OPHN1: variants seen among roughly 807,000 people sequenced by gnomAD.
The protein encoded by OPHN1 is oligophrenin-1.
OPHN1 carries 11 observed loss-of-function variants against 60.7 expected under a neutral mutation model. The ratio of observed to expected loss-of-function variants is 0.18; its 90% CI spans 0.11 to 0.30. The LOEUF is 0.30. OPHN1 is among the 10% of genes least tolerant of loss of function. The pLI is 1.00. For missense variants in OPHN1, 449 were observed against 611.0 expected, an observed-to-expected ratio of 0.73 and a Z score of 2.80; for synonymous variants, 226 against 222.6, an observed-to-expected ratio of 1.02 and a Z score of -0.14.
At chrX:68,065,707 G>C (rs947875473) in intron 20 of OPHN1, among the ~76,000 whole-genome samples, 3 of 111,710 alleles carry the variant, frequency 2.7e-5, no homozygotes, top group African/African-American at 9.8e-5. Context: ...GGTCTCATGA[G>C]GTTATGGTGA....
chrX:68,330,759 C>T (rs1760295816), intron 2 of OPHN1, among the ~76,000 whole-genome samples: 2 of 108,276 alleles, frequency 1.8e-5, no homozygotes, highest in Non-Finnish European at 3.8e-5. Flanking sequence ...AGTATGATTC[C>T]ACTTGTAAAA....
intron 12 of OPHN1, among the ~76,000 whole-genome samples, chrX:68,196,614 C>T (rs1361920245): frequency 9.0e-6 from 1 of 111,521 alleles, no homozygotes; most frequent in African/African-American, 3.3e-5. Flanking sequence ...AATCAGTAAC[C>T]CTTTCAAGGG....
At position 68,064,009 on chromosome X, in the gene OPHN1, A is replaced by G. The variant is rs754104441; in HGVS notation, c.2003T>C (p.Val668Ala). The stretch of plus-strand genomic sequence containing the variant: ...CCTAGACACCAACTTCCCCACGTCC[A>G]CCTCTGGGCAGGGCTCCAACTTGCC... ...LDGKLEPCPE[V>A]DVGKLVSRLQ... The change falls in exon 21 of 25, where the codon GTG becomes GCG. Residue 668 changes from valine to alanine, a missense_variant. Around this residue, in one of 4 missense-constraint regions of OPHN1, gnomAD observed 184 missense variants for 160.5 expected, o/e 1.15. Transcript: ENST00000355520. The G allele has an allele frequency of 2.5e-6, 3 of 1,208,834 alleles. No homozygotes were observed. The highest frequency in any genetic ancestry group is 4.4e-5 in the Admixed American group (2 of 45,765).
intron 15 of OPHN1, among the ~76,000 whole-genome samples, chrX:68,140,397 C>T (rs1327679834): frequency 8.9e-6 from 1 of 112,141 alleles, no homozygotes; most frequent in East Asian, 2.8e-4. Context: ...CGATTTTGCT[C>T]ATCTTTCTCT....
rs11796846 is a variant in OPHN1, at chrX:68,143,569, G to A, written c.1277-24237C>T. ...ATGACTCACTATGCCTAGAATGCCT[G>A]TACAATGTGGTTTATGCTGAATACC... On this transcript the variant is annotated intron_variant, in intron 15 of 24. Transcript: ENST00000355520. Among the ~76,000 whole-genome samples, 2,099 of 111,562 alleles carry A rather than the reference G, an allele frequency of 0.019. 100 individuals are homozygous for A. The East Asian group carries it at 0.29, about 15-fold the overall frequency.
At chrX:68,137,175 G>A (rs1158968331) in intron 15 of OPHN1, among the ~76,000 whole-genome samples, 1 of 111,568 alleles carries the variant, frequency 9.0e-6, no homozygotes, top group African/African-American at 3.3e-5. Flanking sequence ...TTATATGTCT[G>A]CTTTGGAAAC....
At chrX:68,378,501 C>T (rs1464347935) in intron 2 of OPHN1, among the ~76,000 whole-genome samples, 1 of 111,740 alleles carries the variant, frequency 8.9e-6, no homozygotes, top group African/African-American at 3.2e-5. Context: ...ACATGAAGTC[C>T]TTGCCCATGC....
chrX:68,366,392 A>C (rs1410145747), intron 2 of OPHN1, among the ~76,000 whole-genome samples: 1 of 111,052 alleles, frequency 9.0e-6, no homozygotes, highest in Non-Finnish European at 1.9e-5. Context: ...GCAGTGGCAT[A>C]ATCATGGCTC....
intron 19 of OPHN1, among the ~76,000 whole-genome samples, chrX:68,091,426 G>C (rs1264842655): frequency 9.0e-6 from 1 of 110,999 alleles, no homozygotes; most frequent in Non-Finnish European, 1.9e-5. Context: ...AAAGTTTGTG[G>C]CTGGTATCCG....
intron 2 of OPHN1, among the ~76,000 whole-genome samples, chrX:68,354,615 C>T (rs1292165665): frequency 3.7e-5 from 4 of 107,568 alleles, no homozygotes; most frequent in Non-Finnish European, 5.8e-5. Flanking sequence ...AATAGCTGGG[C>T]GTGGTGGCAC....
intron 23 of OPHN1, among the ~76,000 whole-genome samples, chrX:68,050,685 GC>G (rs2076848285): frequency 9.0e-6 from 1 of 111,679 alleles, no homozygotes; most frequent in African/African-American, 3.3e-5. Flanking sequence ...CTTTTTTCAA[GC>G]CCCAACTCAT....
chrX:68,389,970 C>T (rs900148113), intron 2 of OPHN1, among the ~76,000 whole-genome samples: 4 of 111,445 alleles, frequency 3.6e-5, no homozygotes, highest in South Asian at 7.5e-4. Context: ...GTTGGGAAGG[C>T]CTCAGGAAAC....
At chrX:68,089,281 C>T (rs1479049645) in intron 19 of OPHN1, among the ~76,000 whole-genome samples, 1 of 111,486 alleles carries the variant, frequency 9.0e-6, no homozygotes, top group African/African-American at 3.3e-5. Flanking sequence ...ATATATGATA[C>T]AAGAAAATCG....
At chrX:68,131,521 G>T (rs961694327) in intron 15 of OPHN1, among the ~76,000 whole-genome samples, 13 of 111,760 alleles carry the variant, frequency 1.2e-4, no homozygotes, top group African/African-American at 4.2e-4. Flanking sequence ...CAGCCACAAA[G>T]AACACTTTAA....
At chrX:68,140,088 G>A (rs374545924) in intron 15 of OPHN1, among the ~76,000 whole-genome samples, 1 of 111,871 alleles carries the variant, frequency 8.9e-6, no homozygotes, top group Non-Finnish European at 1.9e-5. Flanking sequence ...CAGATGCAAC[G>A]TATTGGATAC....
At chrX:68,243,248 G>A (rs2077790046) in intron 5 of OPHN1, among the ~76,000 whole-genome samples, 1 of 111,001 alleles carries the variant, frequency 9.0e-6, no homozygotes, top group South Asian at 3.8e-4. Flanking sequence ...TCCTTACCGG[G>A]TACAGAGTTT....
chrX:68,073,019 G>A (rs768512841), intron 20 of OPHN1, 133 bp downstream of exon 20: 2 of 717,307 alleles, frequency 2.8e-6, no homozygotes, highest in South Asian at 2.4e-5. Context: ...AACCCTGGCT[G>A]CTTTTAAGCT....
intron 2 of OPHN1, among the ~76,000 whole-genome samples, chrX:68,407,664 C>A (rs2078750274): frequency 8.9e-6 from 1 of 111,869 alleles, no homozygotes; most frequent in Non-Finnish European, 1.9e-5. Context: ...ACCATGTATT[C>A]CTCTCCAAAT....
intron 5 of OPHN1, among the ~76,000 whole-genome samples, chrX:68,273,602 T>TGCTC (rs1371114094): frequency 8.9e-6 from 1 of 112,248 alleles, no homozygotes; most frequent in Non-Finnish European, 1.9e-5. Context: ...AAGTGACTGC[T>TGCTC]GAGCACTTGA....
Sources: allele counts gnomAD v4.1 joint callset (sites outside exome capture counted in the v4.1 genomes callset), GRCh38; gene constraint gnomAD v4.1.1; regional missense constraint gnomAD v4.1.1; transcripts MANE v1.5; gene names NCBI Gene and HGNC (gene_info 2026-07-23, HGNC 2026-07-21).